PRKAA1: variants seen among roughly 807,000 people sequenced by gnomAD.
PRKAA1 encodes 5'-AMP-activated protein kinase catalytic subunit alpha-1.
A neutral mutation model predicts 56.9 loss-of-function variants in PRKAA1; 23 were observed. That is an observed-to-expected ratio of 0.40 (90% CI 0.29 to 0.57). PRKAA1 has a LOEUF of 0.57. Ranked by LOEUF, PRKAA1 falls within the 20% of genes least tolerant of loss-of-function variation. The pLI, the probability that PRKAA1 is intolerant of heterozygous loss-of-function variation, is 0.39. For synonymous variants in PRKAA1, 226 were observed against 227.0 expected (o/e 1.00, Z 0.04); for missense variants, 413 against 679.7 (o/e 0.61, Z 4.36).
chr5:40,763,163 T>A, intron 8 of PRKAA1, 141 bp from the exon 9 acceptor site: 1 of 771,394 alleles, frequency 1.3e-6, no homozygotes, highest in Non-Finnish European at 2.1e-6. Context: ...TCTAAAACAG[T>A]CAATGAGCCT....
intron 1 of PRKAA1, among the ~76,000 whole-genome samples, chr5:40,796,518 A>G (rs896249097): frequency 6.6e-6 from 1 of 152,166 alleles, no homozygotes; most frequent in African/African-American, 2.4e-5. Flanking sequence ...ATCATAGCCA[A>G]AGATAAAGTT....
chr5:40,794,120 T>G (rs561056302), intron 1 of PRKAA1, among the ~76,000 whole-genome samples: 1 of 152,020 alleles, frequency 6.6e-6, no homozygotes, highest in African/African-American at 2.4e-5. Flanking sequence ...AAAAAAGTGT[T>G]CCCTGTTCAC....
At chr5:40,768,484 C>T (rs937431162) in intron 5 of PRKAA1, 26 of 930,274 alleles carry the variant, frequency 2.8e-5, no homozygotes, top group Non-Finnish European at 3.2e-5. Flanking sequence ...ATAGACAACA[C>T]CATTTTTTTA....
intron 1 of PRKAA1, among the ~76,000 whole-genome samples, chr5:40,782,031 GA>G (rs1744286349): frequency 6.6e-6 from 1 of 152,186 alleles, no homozygotes; most frequent in African/African-American, 2.4e-5. Flanking sequence ...CATCCTCCAA[GA>G]ATCTCCAAGC....
intron 1 of PRKAA1, among the ~76,000 whole-genome samples, chr5:40,789,287 G>A (rs944213284): frequency 6.6e-6 from 1 of 152,152 alleles, no homozygotes; most frequent in Non-Finnish European, 1.5e-5. Flanking sequence ...CTAATCATAA[G>A]AGAAATGCAA....
At chr5:40,774,868 G>A in intron 3 of PRKAA1, 1 of 1,326,456 alleles carries the variant, frequency 7.5e-7, no homozygotes, top group Non-Finnish European at 1.1e-6. Context: ...ACTTAAGGTA[G>A]TGTTCAAAAT....
At position 40,767,495 on chromosome 5, in the gene PRKAA1, G is replaced by A. The variant is rs1743518590; in HGVS notation, c.792C>T (p.Pro264=). Residue 264 remains proline (P), a synonymous_variant, in exon 6 of 9, where the codon CCC becomes CCT. Coordinates refer to ENST00000397128, the MANE Select transcript of PRKAA1 (RefSeq NM_006251.6). ...TATCTTTGATTGTGGCCCTCTTCATGGGATCCACCTGCAGCATATGTTTCA... is the reference window on the plus strand; with the variant it reads ...TATCTTTGATTGTGGCCCTCTTCATAGGATCCACCTGCAGCATATGTTTCA... ...SLLKHMLQVD[P]MKRATIKDIR... 2 of 1,612,582 alleles carry A rather than the reference G, an allele frequency of 1.2e-6. No homozygotes were observed. Among genetic ancestry groups the A allele is most frequent in the Non-Finnish European group, 1.7e-6 (2 of 1,179,134 alleles).
intron 1 of PRKAA1, among the ~76,000 whole-genome samples, chr5:40,784,864 T>C (rs181992889): frequency 1.7e-4 from 26 of 152,326 alleles, no homozygotes; most frequent in Admixed American, 6.5e-4. Flanking sequence ...GTCAGACTCT[T>C]AAAGTTATGC....
At chr5:40,775,276 A>T in intron 3 of PRKAA1, 134 bp downstream of exon 3, 1 of 736,350 alleles carries the variant, frequency 1.4e-6, no homozygotes, top group Non-Finnish European at 2.3e-6. Context: ...ATAGTTTATG[A>T]TTCTAAACAA....
chr5:40,797,847 C>A (rs758011746), intron 1 of PRKAA1, among the ~76,000 whole-genome samples: 1 of 152,158 alleles, frequency 6.6e-6, no homozygotes, highest in Non-Finnish European at 1.5e-5. Context: ...GTCGCCATGG[C>A]GACTGGCCCC....
At position 40,767,564 on chromosome 5, in the gene PRKAA1, G is replaced by A; in HGVS notation, c.723C>T (p.Ile241=). ...PTLFKKICDG[I]FYTPQYLNPS... ...GATTTAAATATTGAGGGGTATAGAAGATCCCATCACATATCTTCTTAAAAA... is the reference window on the plus strand; with the variant it reads ...GATTTAAATATTGAGGGGTATAGAAAATCCCATCACATATCTTCTTAAAAA... The change falls in exon 6 of 9, where the codon ATC becomes ATT. Residue 241 remains isoleucine (I), a synonymous_variant. Coordinates refer to ENST00000397128, the MANE Select transcript of PRKAA1 (RefSeq NM_006251.6). 7 of 1,613,134 alleles carry A rather than the reference G, an allele frequency of 4.3e-6. No homozygotes were observed. The highest frequency in any genetic ancestry group is 5.9e-6 in the Non-Finnish European group (7 of 1,179,328).
At chr5:40,768,412 T>C in intron 5 of PRKAA1, 1 of 919,154 alleles carries the variant, frequency 1.1e-6, no homozygotes, top group Non-Finnish European at 1.3e-6. Context: ...TTTTTATTTA[T>C]TTAAATAACA....
intron 8 of PRKAA1, 85 bp downstream of exon 8, chr5:40,764,429 G>A (rs1018613322): frequency 3.0e-6 from 4 of 1,321,032 alleles, no homozygotes; most frequent in African/African-American, 2.9e-5. Context: ...CTAGGAACAA[G>A]TCAAGAAGCC....
chr5:40,774,325 A>T (rs1297775675), intron 3 of PRKAA1, among the ~76,000 whole-genome samples: 1 of 152,228 alleles, frequency 6.6e-6, no homozygotes, highest in African/African-American at 2.4e-5. Context: ...TGCCATCCTC[A>T]GACTAGGTTA....
chr5:40,774,921 T>C, intron 3 of PRKAA1: 1 of 1,589,118 alleles, frequency 6.3e-7, no homozygotes, highest in Non-Finnish European at 8.6e-7. Context: ...TTATATCTAA[T>C]TCCTACCTCC....
intron 1 of PRKAA1, among the ~76,000 whole-genome samples, chr5:40,788,223 T>G (rs933225626): frequency 3.3e-5 from 5 of 152,180 alleles, no homozygotes; most frequent in African/African-American, 1.2e-4. Flanking sequence ...TGCATATATC[T>G]ATAATCAATG....
chr5:40,774,798 C>T (rs1307655353), intron 3 of PRKAA1: 1 of 685,520 alleles, frequency 1.5e-6, no homozygotes, highest in East Asian at 2.7e-5. Context: ...TTGCATACCA[C>T]ATAACCTGGG....
chr5:40,776,756 T>TG (rs1579733525), intron 2 of PRKAA1, among the ~76,000 whole-genome samples: 1 of 152,306 alleles, frequency 6.6e-6, no homozygotes, highest in East Asian at 1.9e-4. Context: ...ATAAGCAGGA[T>TG]GGGGAAAAAC....
Position 40,764,562 on chromosome 5 carries a change from A to T in PRKAA1, c.1387T>A (p.Tyr463Asn). ...AGATAAGTTCTACTATCCACTTGGT[A>T]TAACTGTAGACTCATTTTGGAGTAA... ...STYSKMSLQL[Y>N]QVDSRTYLLD... Residue 463 changes from tyrosine to asparagine, a missense_variant, in exon 8 of 9, where the codon TAC becomes AAC. Tyr to Asn is a moderately radical substitution (Grantham distance 143). Transcript: ENST00000397128. 1 of 1,613,170 alleles carries T rather than the reference A, an allele frequency of 6.2e-7. No individual in the cohort carries two copies. The highest frequency in any genetic ancestry group is 2.2e-5 in the East Asian group (1 of 44,844).
Sources: allele counts gnomAD v4.1 joint callset (sites outside exome capture counted in the v4.1 genomes callset), GRCh38; gene constraint gnomAD v4.1.1; transcripts MANE v1.5; gene names NCBI Gene and HGNC (gene_info 2026-07-23, HGNC 2026-07-21).